The following PRDM16 variants were observed in gnomAD, a reference collection of about 807,000 sequenced individuals.
The protein encoded by PRDM16 is PR/SET domain 16.
PRDM16 carries 23 observed loss-of-function variants against 110.6 expected under a neutral mutation model. The observed-to-expected ratio is 0.21, with a 90% CI of 0.15 to 0.29. PRDM16 has a LOEUF of 0.29. Among genes scored for constraint, PRDM16 ranks in the 10% least tolerant of loss-of-function variants. PRDM16 has a pLI of 1.00. For synonymous variants in PRDM16, 799 were observed against 781.8 expected, an observed-to-expected ratio of 1.02 and a Z score of -0.37; for missense variants, 1,615 against 1,794.3, an observed-to-expected ratio of 0.90 and a Z score of 1.81.
intron 1 of PRDM16, chr1:3,133,158 T>C (rs1179613697): frequency 6.6e-6 from 1 of 152,150 alleles, no homozygotes. Context: ...CGGCTTCTGG[T>C]GGTGGAGTGC....
chr1:3,109,338 A>T (rs1642734664), intron 1 of PRDM16, among the ~76,000 whole-genome samples: 1 of 152,016 alleles, frequency 6.6e-6, no homozygotes, highest in Non-Finnish European at 1.5e-5. Flanking sequence ...TATCATTATG[A>T]TTACTTTACC....
At chr1:3,351,191 C>T (rs1257187920) in intron 3 of PRDM16, among the ~76,000 whole-genome samples, 1 of 152,180 alleles carries the variant, frequency 6.6e-6, no homozygotes, top group Non-Finnish European at 1.5e-5. Context: ...CACCCCGGCC[C>T]CTGGCCAGTG....
At chr1:3,415,365 G>A (rs575362637) in intron 10 of PRDM16, among the ~76,000 whole-genome samples, 4 of 152,368 alleles carry the variant, frequency 2.6e-5, no homozygotes, top group Admixed American at 6.5e-5. Flanking sequence ...CCTGAGGGTC[G>A]CACAGTGGGC....
At chr1:3,324,083 G>A (rs1304035941) in intron 3 of PRDM16, among the ~76,000 whole-genome samples, 1 of 152,168 alleles carries the variant, frequency 6.6e-6, no homozygotes, top group Non-Finnish European at 1.5e-5. Flanking sequence ...AGCCCCTCCT[G>A]GACACTCCTG....
chr1:3,269,776 C>A (rs1364678601), intron 3 of PRDM16, among the ~76,000 whole-genome samples: 1 of 145,654 alleles, frequency 6.9e-6, no homozygotes, highest in Admixed American at 6.8e-5. Context: ...AGGACAGTCC[C>A]AGAGGAGGAA....
intron 3 of PRDM16, among the ~76,000 whole-genome samples, chr1:3,284,800 G>A (rs1287566194): frequency 6.6e-6 from 1 of 152,218 alleles, no homozygotes; most frequent in Non-Finnish European, 1.5e-5. Flanking sequence ...CCAAGCCTGG[G>A]AAACCCAGCG....
At chr1:3,204,122 T>C (rs566973883) in intron 2 of PRDM16, among the ~76,000 whole-genome samples, 13 of 152,368 alleles carry the variant, frequency 8.5e-5, no homozygotes, top group African/African-American at 3.1e-4. Flanking sequence ...AACAGTAAGA[T>C]GCCTTTTTAA....
rs764242149 is a variant in PRDM16 at position 3,435,998 on chromosome 1, G to A, written c.*2187G>A. 1 of 230,660 alleles carries A rather than the reference G, an allele frequency of 4.3e-6. No homozygotes were observed. The highest frequency in any genetic ancestry group is 1.8e-4 in the South Asian group (1 of 5,518). 14.3% of individuals were successfully genotyped at this position (230,660 alleles called of 1,614,324 possible). A position where few individuals can be genotyped will look rare whatever the true frequency, so the allele number is the denominator to read the frequency against. On this transcript the variant is annotated 3_prime_UTR_variant, in exon 17 of 17. Transcript: ENST00000270722. ...CAGCTGGCGTGTCGGGAAGGATCCA[G>A]GATCTGCAAACACAACTGCTCAGGC...
intron 1 of PRDM16, among the ~76,000 whole-genome samples, chr1:3,152,100 A>C (rs1643784987): frequency 6.6e-6 from 1 of 152,158 alleles, no homozygotes; most frequent in African/African-American, 2.4e-5. Context: ...ACAAGACCAG[A>C]CATAGGCTGA....
chr1:3,396,694 C>T (rs1643391596), intron 5 of PRDM16, 101 bp downstream of exon 5: 2 of 612,460 alleles, frequency 3.3e-6, no homozygotes, highest in Non-Finnish European at 5.8e-6. Context: ...CTCATCACCT[C>T]AAGCCACCTA....
chr1:3,132,599 G>A (rs982380066), intron 1 of PRDM16, among the ~76,000 whole-genome samples: 4 of 152,090 alleles, frequency 2.6e-5, no homozygotes, highest in Admixed American at 2.6e-4. Flanking sequence ...CCTTACCGAG[G>A]GGTCTCTCTG....
chr1:3,118,232 C>T (rs1442835169), intron 1 of PRDM16, among the ~76,000 whole-genome samples: 6 of 152,192 alleles, frequency 3.9e-5, no homozygotes, highest in Admixed American at 2.0e-4. Flanking sequence ...CGTGCACACA[C>T]GTGCATACAC....
intron 3 of PRDM16, among the ~76,000 whole-genome samples, chr1:3,363,875 C>T (rs905142753): frequency 1.3e-5 from 2 of 152,196 alleles, no homozygotes; most frequent in Admixed American, 1.3e-4. Flanking sequence ...GCAGCTCCCA[C>T]CTCCAGCTAA....
intron 4 of PRDM16, among the ~76,000 whole-genome samples, chr1:3,393,192 C>T (rs570667695): frequency 3.7e-4 from 57 of 152,190 alleles, no homozygotes; most frequent in African/African-American, 1.3e-3. Flanking sequence ...CAACACAACC[C>T]GGGGACTTAG....
chr1:3,389,949 G>GCCCCCCCCCCCCCCCCCCC (rs70938087), intron 4 of PRDM16, among the ~76,000 whole-genome samples: 5 of 106,948 alleles, frequency 4.7e-5, no homozygotes, highest in Admixed American at 2.0e-4. Context: ...CTGGGGGTGC[G>GCCCCCCCCCCCCCCCCCCC]CCCCCCCCCC....
At chr1:3,166,450 C>T (rs754710310) in intron 1 of PRDM16, among the ~76,000 whole-genome samples, 4 of 152,252 alleles carry the variant, frequency 2.6e-5, no homozygotes, top group African/African-American at 7.2e-5. Context: ...GAGGCTCACA[C>T]GTGCTGCCAG....
intron 8 of PRDM16, among the ~76,000 whole-genome samples, chr1:3,405,983 C>T (rs763227934): frequency 2.0e-5 from 3 of 152,152 alleles, no homozygotes; most frequent in Non-Finnish European, 4.4e-5. Context: ...TTGCTACTCC[C>T]GTCCCCCGAA....
At chr1:3,071,176 G>A (rs1451255395) in intron 1 of PRDM16, among the ~76,000 whole-genome samples, 2 of 152,236 alleles carry the variant, frequency 1.3e-5, no homozygotes, top group African/African-American at 4.8e-5. Context: ...CCGCGCTGAC[G>A]CCGGGGCCTT....
At chr1:3,262,454 C>A (rs892216620) in intron 3 of PRDM16, among the ~76,000 whole-genome samples, 1 of 152,210 alleles carries the variant, frequency 6.6e-6, no homozygotes, top group African/African-American at 2.4e-5. Context: ...CCCAAGGAAC[C>A]GGCTTCATTC....
Sources: gnomAD v4.1 joint callset for allele counts (sites outside exome capture counted in the v4.1 genomes callset) on GRCh38, gnomAD v4.1.1 for gene constraint, MANE v1.5 for transcripts, NCBI Gene and HGNC (gene_info 2026-07-23, HGNC 2026-07-21) for gene names.